The following ADAMTS2 variants were observed in gnomAD, a reference collection of about 807,000 sequenced individuals.
The protein encoded by ADAMTS2 is A disintegrin and metalloproteinase with thrombospondin motifs 2.
Under a neutral mutation model 123.0 loss-of-function variants are expected in ADAMTS2, and 50 were observed. That is an observed-to-expected ratio of 0.41 (90% CI 0.32 to 0.51). ADAMTS2 has a LOEUF of 0.51. ADAMTS2 is among the 20% of genes least tolerant of loss of function. The pLI is 0.35. For synonymous variants in ADAMTS2, 678 were observed against 695.4 expected, an observed-to-expected ratio of 0.98 and a Z score of 0.39; for missense variants, 1,494 against 1,705.2, an observed-to-expected ratio of 0.88 and a Z score of 2.18.
intron 4 of ADAMTS2, among the ~76,000 whole-genome samples, chr5:179,195,603 C>A (rs968849598): frequency 6.6e-6 from 1 of 152,226 alleles, no homozygotes; most frequent in Admixed American, 6.5e-5. Context: ...TGCAGGGGGG[C>A]GTGGCCTCTC....
At chr5:179,279,123 C>G (rs529290329) in intron 2 of ADAMTS2, among the ~76,000 whole-genome samples, 1 of 152,162 alleles carries the variant, frequency 6.6e-6, no homozygotes, top group South Asian at 2.1e-4. Flanking sequence ...AGCAGCCTCC[C>G]ACCTGTGTAT....
At chr5:179,124,652 G>A (rs1762819979) in intron 19 of ADAMTS2, among the ~76,000 whole-genome samples, 2 of 152,242 alleles carry the variant, frequency 1.3e-5, no homozygotes. Flanking sequence ...ATGTGGCTCA[G>A]GACAGGAGCT....
At chr5:179,198,223 C>T (rs1052354735) in intron 4 of ADAMTS2, among the ~76,000 whole-genome samples, 25 of 152,210 alleles carry the variant, frequency 1.6e-4, no homozygotes, top group Admixed American at 4.6e-4. Flanking sequence ...AAGGTGGAGG[C>T]TGCAGGCTGA....
intron 3 of ADAMTS2, among the ~76,000 whole-genome samples, chr5:179,231,838 A>G (rs1713105543): frequency 6.6e-6 from 1 of 151,520 alleles, no homozygotes; most frequent in African/African-American, 2.4e-5. Context: ...TCACTTGAGT[A>G]CCAGAGTTAG....
intron 3 of ADAMTS2, among the ~76,000 whole-genome samples, chr5:179,213,865 CA>C (rs1764915047): frequency 6.6e-6 from 1 of 152,192 alleles, no homozygotes; most frequent in Admixed American, 6.5e-5. Flanking sequence ...CAACCTGGTG[CA>C]AGGAAGGAGA....
chr5:179,134,524 G>C (rs559145632), intron 13 of ADAMTS2, among the ~76,000 whole-genome samples: 1 of 152,156 alleles, frequency 6.6e-6, no homozygotes, highest in African/African-American at 2.4e-5. Context: ...TTCCTCAGGA[G>C]CCCTCTCAGT....
intron 5 of ADAMTS2, among the ~76,000 whole-genome samples, chr5:179,172,953 C>T (rs2113295989): frequency 6.6e-6 from 1 of 151,788 alleles, no homozygotes; most frequent in African/African-American, 2.4e-5. Flanking sequence ...ACCTGTAATC[C>T]CAGTGCTATG....
rs574460096 is a variant in ADAMTS2, at chr5:179,257,270, G to C, written c.688+15641C>G. On this transcript the variant is annotated intron_variant, in intron 3 of 21. Transcript: ENST00000251582. Reference sequence around the variant, plus strand: ...TCCCGGGATATTGCCTAGAACAAAGGAGCACAGGCACCTGACGTTCTGGAC... The same window carrying C: ...TCCCGGGATATTGCCTAGAACAAAGCAGCACAGGCACCTGACGTTCTGGAC... 2.6e-5 allele frequency among the ~76,000 whole-genome samples: 4 copies of C among 152,350 alleles called. No homozygotes were observed. In the South Asian group the frequency reaches 8.3e-4, roughly 32 times the overall value.
intron 4 of ADAMTS2, among the ~76,000 whole-genome samples, chr5:179,193,900 C>G (rs1252920758): frequency 1.3e-5 from 2 of 152,162 alleles, no homozygotes; most frequent in Non-Finnish European, 2.9e-5. Flanking sequence ...GGAGGGGCCT[C>G]AGGGAGTGAG....
intron 3 of ADAMTS2, among the ~76,000 whole-genome samples, chr5:179,215,599 T>G (rs186369126): frequency 2.5e-4 from 38 of 152,162 alleles, no homozygotes; most frequent in African/African-American, 8.4e-4. Flanking sequence ...TAAAAAAAAT[T>G]TAAAGTCACA....
chr5:179,207,770 C>T (rs1764740547), intron 3 of ADAMTS2, 55 bp from the exon 4 acceptor site: 1 of 1,535,888 alleles, frequency 6.5e-7, no homozygotes, highest in Non-Finnish European at 8.9e-7. Flanking sequence ...CGGACACAAA[C>T]CTACCAGGCG....
At position 179,225,274 on chromosome 5, in the gene ADAMTS2, A is replaced by G. The variant is rs767749197; in HGVS notation, c.689-17559T>C. ...CTTAATACATAAAGCGCTCTTACAA[A>G]TCAACAGGAAACAATCCAGCAATCC... On this transcript the variant is annotated intron_variant, in intron 3 of 21. Coordinates refer to ENST00000251582, the MANE Select transcript of ADAMTS2 (RefSeq NM_014244.5). The surrounding 1 kb of genome is among the most constrained non-coding windows in gnomAD (Gnocchi z 4.5). Among the ~76,000 whole-genome samples the G allele has an allele frequency of 1.8e-4, 27 of 152,310 alleles. No homozygotes were observed. The highest frequency in any genetic ancestry group is 3.5e-4 in the Non-Finnish European group (24 of 68,022).
intron 2 of ADAMTS2, among the ~76,000 whole-genome samples, chr5:179,294,305 G>A (rs993803710): frequency 8.5e-5 from 13 of 152,190 alleles, no homozygotes; most frequent in African/African-American, 2.9e-4. Flanking sequence ...ATGAAGGCAC[G>A]CAGCCTACAG....
chr5:179,310,347 C>G (rs1756795074), intron 2 of ADAMTS2, among the ~76,000 whole-genome samples: 1 of 152,190 alleles, frequency 6.6e-6, no homozygotes, highest in South Asian at 2.1e-4. Flanking sequence ...GGGGCTCAGC[C>G]CCCCAGCTCC....
chr5:179,268,258 T>C (rs1581232987), intron 3 of ADAMTS2, among the ~76,000 whole-genome samples: 1 of 152,378 alleles, frequency 6.6e-6, no homozygotes, highest in Non-Finnish European at 1.5e-5. Context: ...CACGTGTGGC[T>C]GCATTCCCAC....
intron 3 of ADAMTS2, among the ~76,000 whole-genome samples, chr5:179,248,212 T>A (rs894828953): frequency 6.6e-6 from 1 of 151,980 alleles, no homozygotes; most frequent in African/African-American, 2.4e-5. Context: ...GGATAACCAA[T>A]AAGACCATAG....
At chr5:179,221,716 A>G (rs1032903696) in intron 3 of ADAMTS2, among the ~76,000 whole-genome samples, 10 of 152,064 alleles carry the variant, frequency 6.6e-5, no homozygotes, top group Non-Finnish European at 1.5e-4. Context: ...TGCCCAGAGA[A>G]GAGCCCCCCG....
rs1764224027 is a variant in ADAMTS2 at position 179,188,456 on chromosome 5, G to C, written c.892-7301C>G. On this transcript the variant is annotated intron_variant, in intron 4 of 21. Coordinates refer to ENST00000251582, the MANE Select transcript of ADAMTS2 (RefSeq NM_014244.5). This position sits in a 1 kb window ranked among gnomAD's most constrained non-coding sequence, Gnocchi z 5.1. ...TGGAGGAAGAGTTTAGGCATTGCAT[G>C]GTGCCTAAACGGGGCTGCCAGAGCC... Among the ~76,000 whole-genome samples the C allele has an allele frequency of 1.3e-5, 2 of 152,196 alleles. No homozygotes were observed. Among genetic ancestry groups the C allele is most frequent in the African/African-American group, 4.8e-5 (2 of 41,440 alleles).
At chr5:179,313,917 C>T (rs1380028481) in intron 2 of ADAMTS2, among the ~76,000 whole-genome samples, 1 of 107,622 alleles carries the variant, frequency 9.3e-6, no homozygotes, top group African/African-American at 3.9e-5. Flanking sequence ...AGGGCCTGGC[C>T]GGAGCAGGGG....
Sources: gnomAD v4.1 joint callset for allele counts (sites outside exome capture counted in the v4.1 genomes callset) on GRCh38, gnomAD v4.1.1 for gene constraint, Gnocchi (gnomAD v3.1) non-coding constraint, MANE v1.5 for transcripts, NCBI Gene and HGNC (gene_info 2026-07-23, HGNC 2026-07-21) for gene names.